Variants in USP42 observed in about 807,000 individuals in gnomAD.
USP42 encodes the protein ubiquitin specific peptidase 42.
A neutral mutation model predicts 113.0 loss-of-function variants in USP42; 23 were observed. That is an observed-to-expected ratio of 0.20 (90% CI 0.15 to 0.29). The LOEUF is 0.29. Ranked by LOEUF, USP42 falls within the 10% of genes least tolerant of loss-of-function variation. The pLI is 1.00. For missense variants in USP42, 2,174 were observed against 1,779.8 expected, an observed-to-expected ratio of 1.22 and a Z score of -3.99; for synonymous variants, 933 against 699.0, an observed-to-expected ratio of 1.33 and a Z score of -5.28.
upstream of USP42, among the ~76,000 whole-genome samples, chr7:6,103,599 C>A (rs189601655): frequency 4.7e-5 from 7 of 150,180 alleles, no homozygotes; most frequent in East Asian, 1.9e-4. Context: ...TGGGGTCAGG[C>A]GGACTTGAAG....
chr7:6,148,536 G>A (rs1283171351), intron 12 of USP42, among the ~76,000 whole-genome samples: 3 of 152,160 alleles, frequency 2.0e-5, no homozygotes, highest in African/African-American at 4.8e-5. Context: ...ACAAGAACAC[G>A]TTTGTTAGGT....
At chr7:6,148,047 A>G (rs770485640) in intron 12 of USP42, among the ~76,000 whole-genome samples, 155 bp downstream of exon 12, 22 of 152,206 alleles carry the variant, frequency 1.4e-4, no homozygotes, top group Non-Finnish European at 3.2e-4. Flanking sequence ...TTTCAAATAT[A>G]CAGAAAACGG....
In USP42 at chr7:6,149,720, T is replaced by C; in HGVS notation, c.1524T>C (p.Asn508=). ...CTTCTGTCCAAAACTGGTCAGTTAA[T>C]AGGTCCTCAGTGATCCCAGAACATC... ...ASASVQNWSV[N]RSSVIPEHPK... The change falls in exon 13 of 18, where the codon AAT becomes AAC. Residue 508 remains asparagine, a synonymous_variant. Coordinates refer to ENST00000306177, the MANE Select transcript of USP42 (RefSeq NM_032172.3). 1 of 1,614,028 alleles carries C rather than the reference T, an allele frequency of 6.2e-7. No homozygotes were observed. Among genetic ancestry groups the C allele is most frequent in the East Asian group, 2.2e-5 (1 of 44,888 alleles).
At chr7:6,155,308 G>A (rs1001590438) in intron 15 of USP42, 113 bp downstream of exon 15, 2 of 1,408,932 alleles carry the variant, frequency 1.4e-6, no homozygotes, top group African/African-American at 1.4e-5. Context: ...AGTTGTATCC[G>A]TCTGATTTGT....
rs1241901226 is a variant in USP42, at chr7:6,139,403, T to A, written c.656+209T>A. On this transcript the variant is annotated intron_variant, in intron 5 of 17. Transcript: ENST00000306177. This position sits in a 1 kb window ranked among gnomAD's most constrained non-coding sequence, Gnocchi z 4.5. The stretch of plus-strand genomic sequence containing the variant: ...CGTGTGTCTTACGTAACAGTTTGAG[T>A]TGGCTCAATCATAGATGTCAGGAAA... 13 of 449,258 alleles carry A rather than the reference T, an allele frequency of 2.9e-5. No homozygotes were observed. The South Asian group carries it at 5.5e-4, about 19-fold the overall frequency. 27.8% of individuals were successfully genotyped at this position (449,258 alleles called of 1,614,324 possible).
chr7:6,093,965 C>G, the USP42 span, among the ~76,000 whole-genome samples: 227 of 149,576 alleles, frequency 1.5e-3, 8 homozygotes, highest in African/African-American at 5.6e-3. Flanking sequence ...TGTGGGCTCA[C>G]TGCAACCTCC....
rs1455573147 is a variant in USP42 at position 6,157,915 on chromosome 7, C to T, written c.3943+860C>T. 1.3e-5 allele frequency among the ~76,000 whole-genome samples: 2 copies of T among 152,144 alleles called. No individual in the cohort carries two copies. The highest frequency in any genetic ancestry group is 6.5e-5 in the Admixed American group (1 of 15,280). ...CTCTTACTGCACTTGAGGCAGCCCC[C>T]CACTTCCTCTCCCGTTGGTGTCCGG... On this transcript the variant is annotated intron_variant, in intron 16 of 17. Transcript: ENST00000306177. The surrounding 1 kb of genome is among the most constrained non-coding windows in gnomAD (Gnocchi z 4.1).
At chr7:6,086,671 C>T in the USP42 span, among the ~76,000 whole-genome samples, 2 of 147,700 alleles carry the variant, frequency 1.4e-5, no homozygotes, top group African/African-American at 5.1e-5. Flanking sequence ...TCCCTTCCCC[C>T]TTCCCTTCCC....
intron 3 of USP42, among the ~76,000 whole-genome samples, chr7:6,125,171 A>T (rs1780457715): frequency 8.3e-6 from 1 of 120,896 alleles, no homozygotes; most frequent in Non-Finnish European, 1.6e-5. Context: ...ACAGAGCGAG[A>T]CTCTGTCTCA....
intron 6 of USP42, among the ~76,000 whole-genome samples, 189 bp downstream of exon 6, chr7:6,140,384 A>G (rs1378413716): frequency 6.6e-6 from 1 of 152,196 alleles, no homozygotes; most frequent in Non-Finnish European, 1.5e-5. Flanking sequence ...TTTCCTGTGC[A>G]TGAATAAACT....
chr7:6,152,966 T>C (rs923428646), intron 14 of USP42: 4 of 985,214 alleles, frequency 4.1e-6, no homozygotes, highest in Non-Finnish European at 3.6e-6. Context: ...GTCTTAGTTA[T>C]TAGGAAGAAC....
At chr7:6,120,468 C>T (rs986177544) in intron 3 of USP42, among the ~76,000 whole-genome samples, 9 of 152,084 alleles carry the variant, frequency 5.9e-5, no homozygotes, top group Admixed American at 3.9e-4. Flanking sequence ...GTCTCAAACT[C>T]CTGACCTCAA....
Position 6,149,840 on chromosome 7 carries a change from C to A in USP42, c.1644C>A (p.Asn548Lys), listed in dbSNP as rs780178302. The change falls in exon 13 of 18, where the codon AAC becomes AAA. Residue 548 changes from asparagine to lysine, a missense_variant. Physicochemically the swap from Asn to Lys is moderately conservative, Grantham distance 94. Transcript: ENST00000306177. ...QPNLHSNSLE[N>K]PTKPVPSSTI... ...ACCTTCATAGTAATTCTTTGGAGAA[C>A]CCTACCAAGCCCGTTCCCTCTTCTA... 3 of 1,613,896 alleles carry A rather than the reference C, an allele frequency of 1.9e-6. No individual in the cohort carries two copies. Among genetic ancestry groups the A allele is most frequent in the Middle Eastern group, 1.6e-4 (1 of 6,084 alleles).
At chr7:6,104,488 G>A (rs1211105340), upstream of USP42, among the ~76,000 whole-genome samples, 1 of 152,264 alleles carries the variant, frequency 6.6e-6, no homozygotes, top group Non-Finnish European at 1.5e-5. Context: ...ATTTCTCGGA[G>A]CCAAGTCCGT....
chr7:6,152,559 G>A (rs1020928350), intron 14 of USP42, among the ~76,000 whole-genome samples: 7 of 152,114 alleles, frequency 4.6e-5, no homozygotes, highest in East Asian at 1.9e-4. Context: ...ATATTAAACC[G>A]GAATGGGGCG....
the USP42 span, among the ~76,000 whole-genome samples, chr7:6,082,015 G>C: frequency 6.6e-6 from 1 of 151,892 alleles, no homozygotes; most frequent in Admixed American, 6.6e-5. Context: ...TATTTTCTGC[G>C]GGGACTTGTC....
At position 6,140,917 on chromosome 7, in the gene USP42, A is replaced by C. The variant is rs1562835425; in HGVS notation, c.728A>C (p.Lys243Thr). 6.5e-7 allele frequency: 1 copy of C among 1,529,126 alleles called. No homozygotes were observed. 94.7% of individuals were successfully genotyped at this position (1,529,126 alleles called of 1,614,324 possible). A position where few individuals can be genotyped will look rare whatever the true frequency, so the allele number is the denominator to read the frequency against. ...IFGGYLRSRV[K>T]CLNCKGVSDT... ...TTGCATTTTATTTTTATTTCAGTCAAATGTTTAAATTGCAAGGGCGTTTCA... is the reference window on the plus strand; with the variant it reads ...TTGCATTTTATTTTTATTTCAGTCACATGTTTAAATTGCAAGGGCGTTTCA... The change falls in exon 7 of 18, where the codon AAA becomes ACA. Residue 243 changes from lysine to threonine, a missense_variant. Physicochemically the swap from Lys to Thr is moderately conservative, Grantham distance 78 (BLOSUM62 -1). Transcript: ENST00000306177.
intron 3 of USP42, among the ~76,000 whole-genome samples, chr7:6,126,772 C>T (rs763896390): frequency 5.3e-5 from 8 of 151,874 alleles, no homozygotes; most frequent in East Asian, 3.8e-4. Context: ...AGTGGAGCTG[C>T]GGTAAACATC....
the USP42 span, among the ~76,000 whole-genome samples, chr7:6,090,787 CATAAT>C: frequency 1.4e-5 from 2 of 144,268 alleles, no homozygotes; most frequent in Non-Finnish European, 3.0e-5. Flanking sequence ...ACATATATAA[CATAAT>C]ATATATAACA....
Sources: allele counts gnomAD v4.1 joint callset (sites outside exome capture counted in the v4.1 genomes callset), GRCh38; gene constraint gnomAD v4.1.1; non-coding constraint Gnocchi (gnomAD v3.1); transcripts MANE v1.5; gene names NCBI Gene and HGNC (gene_info 2026-07-23, HGNC 2026-07-21).